ELOVL6: variants seen among roughly 807,000 people sequenced by gnomAD.
ELOVL6 encodes the protein very long chain fatty acid elongase 6.
A neutral mutation model predicts 31.7 loss-of-function variants in ELOVL6; 8 were observed. The ratio of observed to expected loss-of-function variants is 0.25; its 90% CI spans 0.15 to 0.45. The LOEUF (loss-of-function observed/expected upper bound fraction) is 0.45, where lower values mean the gene tolerates loss of function less well. Among genes scored for constraint, ELOVL6 ranks in the 20% least tolerant of loss-of-function variants. The pLI is 1.00. For missense variants in ELOVL6, 126 were observed against 326.4 expected (o/e 0.39, Z 4.73); for synonymous variants, 101 against 117.7 (o/e 0.86, Z 0.92).
In ELOVL6 at chr4:110,083,502, A is replaced by G. The variant is rs537711978; in HGVS notation, c.221+21995T>C. Among the ~76,000 whole-genome samples, 52 of 151,748 alleles carry G rather than the reference A, an allele frequency of 3.4e-4. 1 individual carries two copies. In the South Asian group the frequency reaches 0.01, roughly 30 times the overall value. On this transcript the variant is annotated intron_variant, in intron 2 of 3. Coordinates refer to ENST00000302274, the MANE Select transcript of ELOVL6 (RefSeq NM_024090.3). ...GAGAGACATGGTTTAACAGGTGGGC[A>G]TGGACTACAGCTTATAGGGCCTTTG... is the stretch of plus-strand genomic sequence containing the variant.
chr4:110,089,464 T>C (rs1463712761), intron 2 of ELOVL6, among the ~76,000 whole-genome samples: 2 of 152,140 alleles, frequency 1.3e-5, no homozygotes, highest in Non-Finnish European at 1.5e-5. Flanking sequence ...TGGGTGGTTC[T>C]AGACCCAATC....
chr4:110,105,703 C>A, intron 1 of ELOVL6, 75 bp from the exon 2 acceptor site: 1 of 1,376,624 alleles, frequency 7.3e-7, no homozygotes. Flanking sequence ...CAGTTCTCCT[C>A]TTTGTAAGCA....
chr4:110,125,826 C>CA (rs200901190), intron 1 of ELOVL6, among the ~76,000 whole-genome samples: 35,041 of 131,258 alleles, frequency 0.27, 4,436 homozygotes, highest in East Asian at 0.45. Flanking sequence ...GACTCCATCT[C>CA]AAAAAAAAAA....
chr4:110,078,418 G>A (rs1755720939), intron 2 of ELOVL6, among the ~76,000 whole-genome samples: 1 of 152,162 alleles, frequency 6.6e-6, no homozygotes, highest in East Asian at 1.9e-4. Context: ...AGCCAGAAGA[G>A]AGTGGGGGCC....
intron 1 of ELOVL6, among the ~76,000 whole-genome samples, chr4:110,137,985 T>C (rs535402926): frequency 6.6e-6 from 1 of 152,322 alleles, no homozygotes; most frequent in South Asian, 2.1e-4. Flanking sequence ...AACTGGCTAA[T>C]AAAGAGGAAC....
intron 1 of ELOVL6, among the ~76,000 whole-genome samples, chr4:110,140,369 G>T (rs1472738641): frequency 1.3e-5 from 2 of 152,088 alleles, no homozygotes; most frequent in Non-Finnish European, 2.9e-5. Context: ...TGCTAAAAAA[G>T]AATGGATGTT....
At chr4:110,168,262 C>T (rs945931085) in intron 1 of ELOVL6, among the ~76,000 whole-genome samples, 1 of 152,096 alleles carries the variant, frequency 6.6e-6, no homozygotes, top group East Asian at 1.9e-4. Flanking sequence ...TGCCTGTAAT[C>T]CCAGCACTTT....
intron 1 of ELOVL6, among the ~76,000 whole-genome samples, chr4:110,114,376 T>C (rs1757120176): frequency 6.6e-6 from 1 of 152,144 alleles, no homozygotes; most frequent in African/African-American, 2.4e-5. Context: ...TCCAGTCCAG[T>C]GGCCTAATGA....
chr4:110,198,647 C>A (rs550387218), upstream of ELOVL6: 11 of 278,890 alleles, frequency 3.9e-5, no homozygotes, highest in African/African-American at 2.4e-4. Context: ...CCTTTTTACT[C>A]GTCTACAGGG....
At chr4:110,187,258 C>T (rs1478556269) in intron 1 of ELOVL6, among the ~76,000 whole-genome samples, 5 of 151,860 alleles carry the variant, frequency 3.3e-5, no homozygotes, top group Middle Eastern at 6.8e-3. Flanking sequence ...GGTCCTTTGA[C>T]CTCTTAATTG....
chr4:110,066,133 C>T (rs1312434475), intron 2 of ELOVL6, among the ~76,000 whole-genome samples: 1 of 152,166 alleles, frequency 6.6e-6, no homozygotes, highest in East Asian at 1.9e-4. Context: ...GGTGATCCAA[C>T]AGCAGCAACT....
intron 1 of ELOVL6, among the ~76,000 whole-genome samples, chr4:110,158,657 A>ATATATATATATATATATATATTTTT: frequency 5.4e-5 from 4 of 74,158 alleles, no homozygotes; most frequent in Non-Finnish European, 6.9e-5. Flanking sequence ...ATATATATAT[A>ATATATATATATATATATATATTTTT]TTTTTTTTTT....
intron 1 of ELOVL6, among the ~76,000 whole-genome samples, chr4:110,160,480 T>A (rs760503544): frequency 5.9e-5 from 9 of 152,210 alleles, no homozygotes; most frequent in Non-Finnish European, 1.3e-4. Flanking sequence ...ATGGTCTATC[T>A]CTTGTTACTG....
At chr4:110,195,123 G>A (rs1759734395) in intron 1 of ELOVL6, among the ~76,000 whole-genome samples, 1 of 152,170 alleles carries the variant, frequency 6.6e-6, no homozygotes, top group Non-Finnish European at 1.5e-5. Context: ...AAAAGGGAGT[G>A]AAAAGAAAAT....
Position 110,051,584 on chromosome 4 carries a change from C to T in ELOVL6, c.552G>A (p.Arg184=), listed in dbSNP as rs147655878. The change falls in exon 4 of 4, where the codon CGG becomes CGA. Residue 184 remains arginine (R), a synonymous_variant. Transcript: ENST00000302274. The surrounding 1 kb of genome is among the most constrained non-coding windows in gnomAD (Gnocchi z 4.8). ...HAVMYSYYAL[R]AAGFRVSRKF... Reference sequence around the variant, plus strand: ...TCCGGGAGACTCGGAAACCTGCCGCCCGCAAGGCATAGTAAGAGTACATCA... The same window carrying T: ...TCCGGGAGACTCGGAAACCTGCCGCTCGCAAGGCATAGTAAGAGTACATCA... 660 of 1,614,174 alleles carry T rather than the reference C, an allele frequency of 4.1e-4. 2 individuals carry two copies. The African/African-American group carries it at 7.8e-3, about 19-fold the overall frequency.
At chr4:110,140,242 G>GT (rs985280759) in intron 1 of ELOVL6, among the ~76,000 whole-genome samples, 4 of 152,156 alleles carry the variant, frequency 2.6e-5, no homozygotes, top group African/African-American at 9.7e-5. Context: ...AAAGCTAGGG[G>GT]AAGCCTGTGG....
intron 1 of ELOVL6, among the ~76,000 whole-genome samples, chr4:110,179,196 T>C (rs1759202823): frequency 6.6e-6 from 1 of 152,144 alleles, no homozygotes; most frequent in Non-Finnish European, 1.5e-5. Context: ...TACATGTATG[T>C]AAACTTCAGA....
intron 1 of ELOVL6, among the ~76,000 whole-genome samples, chr4:110,129,913 T>C (rs796432769): frequency 3.9e-4 from 51 of 131,212 alleles, no homozygotes; most frequent in African/African-American, 1.3e-3. Flanking sequence ...TTTTTTTTTT[T>C]TGGTGAGACA....
chr4:110,198,331 T>C lies in ELOVL6; in HGVS notation c.5A>G (p.Asn2Ser). 1 of 1,598,362 alleles carries C rather than the reference T, an allele frequency of 6.3e-7. No homozygotes were observed. Among genetic ancestry groups the C allele is most frequent in the Non-Finnish European group, 8.6e-7 (1 of 1,166,066 alleles). The change falls in exon 1 of 4, where the codon AAC becomes AGC. Residue 2 changes from asparagine to serine, a missense_variant. Around this residue, in one of 3 missense-constraint regions of ELOVL6, gnomAD observed 16 missense variants for 22.8 expected, o/e 0.70. Coordinates refer to ENST00000302274, the MANE Select transcript of ELOVL6 (RefSeq NM_024090.3). ...TTCTTGTAAAGTCAACACTGACATG[T>C]TCATTGGGGCTGATCTTCGGAGTCG... Reference protein sequence around the residue: MNMSVLTLQEYE... With the variant: MSMSVLTLQEYE...
Sources: gnomAD v4.1 joint callset for allele counts (sites outside exome capture counted in the v4.1 genomes callset) on GRCh38, gnomAD v4.1.1 for gene constraint, gnomAD v4.1.1 regional missense constraint, Gnocchi (gnomAD v3.1) non-coding constraint, MANE v1.5 for transcripts, NCBI Gene and HGNC (gene_info 2026-07-23, HGNC 2026-07-21) for gene names.